The following SERPINB11 variants were observed in gnomAD, a reference collection of about 807,000 sequenced individuals.
The protein encoded by SERPINB11 is serpin family B member 11, also known as serpin B11.
A neutral mutation model predicts 36.7 loss-of-function variants in SERPINB11; 32 were observed. The ratio of observed to expected loss-of-function variants is 0.87; its 90% CI spans 0.66 to 1.17. The LOEUF (loss-of-function observed/expected upper bound fraction) is 1.17. Ranked by LOEUF, SERPINB11 falls within the 50% of genes most tolerant of loss-of-function variation. The pLI is 0.00. For synonymous variants in SERPINB11, 174 were observed against 168.1 expected, an observed-to-expected ratio of 1.04 and a Z score of -0.27; for missense variants, 528 against 458.4, an observed-to-expected ratio of 1.15 and a Z score of -1.39.
chr18:63,713,829 A>G lies in SERPINB11; in HGVS notation c.357+1136A>G, dbSNP rs142874504. On this transcript the variant is annotated intron_variant, in intron 4 of 7. Coordinates refer to ENST00000544088, the MANE Select transcript of SERPINB11 (RefSeq NM_001370475.1). ...GTGGATTTGGGATGATCATGATGAC[A>G]TCTGTTCCAGAAGTGAGAAGGTCCT... Among the ~76,000 whole-genome samples, 453 of 152,284 alleles carry G rather than the reference A, an allele frequency of 3.0e-3. 3 individuals carry two copies. Among genetic ancestry groups the G allele is most frequent in the African/African-American group, 0.011 (445 of 41,564 alleles).
chr18:63,722,490 G>A (rs1914839628), intron 7 of SERPINB11, among the ~76,000 whole-genome samples: 1 of 152,178 alleles, frequency 6.6e-6, no homozygotes, highest in Non-Finnish European at 1.5e-5. Flanking sequence ...AGGCACAGGT[G>A]GCCCAGAGTT....
At chr18:63,708,770 A>G (rs1914437943) in intron 1 of SERPINB11, among the ~76,000 whole-genome samples, 1 of 152,188 alleles carries the variant, frequency 6.6e-6, no homozygotes, top group African/African-American at 2.4e-5. Flanking sequence ...GTGACATTGG[A>G]GGAATGAGGT....
At chr18:63,720,310 T>C (rs1442235597) in intron 6 of SERPINB11, 155 bp downstream of exon 6, 1 of 698,728 alleles carries the variant, frequency 1.4e-6, no homozygotes, top group African/African-American at 1.8e-5. Flanking sequence ...ATTTTTCCTT[T>C]ATTAAGTGAC....
intron 1 of SERPINB11, among the ~76,000 whole-genome samples, chr18:63,706,105 G>A (rs1471889422): frequency 6.6e-6 from 1 of 152,208 alleles, no homozygotes; most frequent in Non-Finnish European, 1.5e-5. Flanking sequence ...GCTTGGTGCT[G>A]TATAACTACT....
chr18:63,708,667 A>G (rs1237454845), intron 1 of SERPINB11, among the ~76,000 whole-genome samples: 2 of 152,174 alleles, frequency 1.3e-5, no homozygotes, highest in African/African-American at 2.4e-5. Flanking sequence ...TGAGATATAT[A>G]TTAGACATCC....
chr18:63,715,923 T>C, intron 4 of SERPINB11, 112 bp from the exon 5 acceptor site: 1 of 599,674 alleles, frequency 1.7e-6, no homozygotes, highest in Non-Finnish European at 2.9e-6. Flanking sequence ...CAGACTTGTT[T>C]ATGGGAACTG....
intron 4 of SERPINB11, among the ~76,000 whole-genome samples, chr18:63,713,305 G>A (rs73962369): frequency 2.0e-5 from 3 of 152,132 alleles, no homozygotes; most frequent in South Asian, 4.1e-4. Context: ...TAAGATATTG[G>A]TATAAAATTT....
At chr18:63,719,101 A>G (rs1202982607) in intron 5 of SERPINB11, among the ~76,000 whole-genome samples, 2 of 152,136 alleles carry the variant, frequency 1.3e-5, no homozygotes, top group African/African-American at 4.8e-5. Flanking sequence ...TGCCTAGAAC[A>G]GTGCCCAGCA....
chr18:63,720,291 C>T (rs1914773840), intron 6 of SERPINB11, 136 bp downstream of exon 6: 1 of 798,068 alleles, frequency 1.3e-6, no homozygotes. Flanking sequence ...GTATTTTCTA[C>T]AGATTTTCAT....
At chr18:63,714,378 T>C (rs563208676) in intron 4 of SERPINB11, among the ~76,000 whole-genome samples, 89 of 152,266 alleles carry the variant, frequency 5.8e-4, no homozygotes, top group Non-Finnish European at 1.1e-3. Context: ...TTGTCATTGA[T>C]AATATCTTAT....
intron 1 of SERPINB11, among the ~76,000 whole-genome samples, chr18:63,709,437 C>G (rs941722544): frequency 3.3e-5 from 5 of 151,906 alleles, no homozygotes; most frequent in African/African-American, 4.8e-5. Flanking sequence ...CGGTGAAACC[C>G]CGTCTCTACC....
chr18:63,723,258 A>T lies in SERPINB11; in HGVS notation c.1038A>T (p.Ala346=), dbSNP rs764332742. Residue 346 remains alanine (A), a synonymous_variant, in exon 8 of 8, where the codon GCA becomes GCT. Coordinates refer to ENST00000544088, the MANE Select transcript of SERPINB11 (RefSeq NM_001370475.1). ...YLDVSEEGTE[A]AAATGDSIAV... Reference sequence around the variant, plus strand: ...ATGTCAGCGAAGAGGGCACGGAGGCAGCAGCAGCCACTGGGGACAGCATCG... The same window carrying T: ...ATGTCAGCGAAGAGGGCACGGAGGCTGCAGCAGCCACTGGGGACAGCATCG... The T allele has an allele frequency of 4.3e-6, 7 of 1,614,010 alleles. No homozygotes were observed. In the South Asian group the frequency reaches 7.7e-5, roughly 18 times the overall value.
intron 1 of SERPINB11, among the ~76,000 whole-genome samples, chr18:63,703,571 T>A (rs888498495): frequency 6.6e-6 from 1 of 152,216 alleles, no homozygotes; most frequent in Admixed American, 6.5e-5. Context: ...ATATGTGAAA[T>A]TCACAAAGTT....
chr18:63,718,876 A>AGC (rs1914734195), intron 5 of SERPINB11, among the ~76,000 whole-genome samples: 1 of 151,652 alleles, frequency 6.6e-6, no homozygotes, highest in Admixed American at 6.6e-5. Flanking sequence ...CATATCTGTT[A>AGC]ATTTACTTAG....
intron 1 of SERPINB11, among the ~76,000 whole-genome samples, chr18:63,704,803 C>T (rs1050406475): frequency 2.0e-5 from 3 of 152,064 alleles, no homozygotes; most frequent in African/African-American, 7.2e-5. Flanking sequence ...ATACATGAAC[C>T]CTGTAAGTTG....
intron 1 of SERPINB11, among the ~76,000 whole-genome samples, chr18:63,704,312 T>A (rs1326933422): frequency 1.3e-5 from 2 of 152,174 alleles, no homozygotes; most frequent in African/African-American, 2.4e-5. Context: ...CCTCTGCACA[T>A]GAAAAGACAA....
At chr18:63,713,527 T>C (rs978308486) in intron 4 of SERPINB11, among the ~76,000 whole-genome samples, 2 of 152,228 alleles carry the variant, frequency 1.3e-5, no homozygotes, top group Admixed American at 6.5e-5. Context: ...GATGAAAACA[T>C]GAGTTTCTAA....
Position 63,712,512 on chromosome 18 carries a change from A to G in SERPINB11, c.229-53A>G, listed in dbSNP as rs893882328. ...CTCTCTAGATAGTTATCATTCTCCA[A>G]TGGCAAAAATCAAGCAATTTAATAC... is the stretch of plus-strand genomic sequence containing the variant. On this transcript the variant is annotated intron_variant, in intron 3 of 7. Coordinates refer to ENST00000544088, the MANE Select transcript of SERPINB11 (RefSeq NM_001370475.1). The G allele has an allele frequency of 1.4e-5, 22 of 1,600,924 alleles. No individual in the cohort carries two copies. In the Admixed American group the frequency reaches 1.7e-4, roughly 12 times the overall value.
intron 5 of SERPINB11, among the ~76,000 whole-genome samples, chr18:63,717,416 G>A (rs1376370602): frequency 1.3e-5 from 2 of 151,910 alleles, no homozygotes; most frequent in Non-Finnish European, 2.9e-5. Flanking sequence ...CTAGTCATAA[G>A]GCATATATAC....
Sources: allele counts gnomAD v4.1 joint callset (sites outside exome capture counted in the v4.1 genomes callset), GRCh38; gene constraint gnomAD v4.1.1; transcripts MANE v1.5; gene names NCBI Gene and HGNC (gene_info 2026-07-23, HGNC 2026-07-21).